The following TFAP2C variants were observed in gnomAD, a reference collection of about 807,000 sequenced individuals.
TFAP2C encodes transcription factor AP-2 gamma.
In TFAP2C, 9 loss-of-function variants were observed where a neutral mutation model predicts 42.9. The observed-to-expected ratio is 0.21, with a 90% CI of 0.13 to 0.37. TFAP2C has a LOEUF of 0.37. TFAP2C is among the 10% of genes least tolerant of loss of function. The probability of loss-of-function intolerance (pLI) is 1.00; values close to 1 mark genes in which losing one functional copy is unlikely to be tolerated. For missense variants in TFAP2C, 462 were observed against 591.7 expected (o/e 0.78, Z 2.27); for synonymous variants, 264 against 256.0 (o/e 1.03, Z -0.30).
chr20:56,630,689 G>C lies in TFAP2C; in HGVS notation c.49-516G>C. Reference sequence around the variant, plus strand: ...CCCGCTCGGAGGTCTTTGTCCCGAGGGCGTGGAAGGGAGGGTCCCGGGGGC... The same window carrying C: ...CCCGCTCGGAGGTCTTTGTCCCGAGCGCGTGGAAGGGAGGGTCCCGGGGGC... On this transcript the variant is annotated intron_variant, in intron 1 of 6. Transcript: ENST00000201031. This position sits in a 1 kb window ranked among gnomAD's most constrained non-coding sequence, Gnocchi z 5.1. The C allele has an allele frequency of 2.0e-6, 2 of 985,312 alleles. No homozygotes were observed. Among genetic ancestry groups the C allele is most frequent in the Non-Finnish European group, 2.4e-6 (2 of 829,848 alleles). 61.0% of individuals were successfully genotyped at this position (985,312 alleles called of 1,614,324 possible). A position where few individuals can be genotyped will look rare whatever the true frequency, so the allele number is the denominator to read the frequency against.
In TFAP2C at chr20:56,631,537, C is replaced by T. The variant is rs1423149789; in HGVS notation, c.381C>T (p.His127=). Residue 127 remains histidine, a synonymous_variant, in exon 2 of 7, where the codon CAC becomes CAT. Transcript: ENST00000201031. The surrounding 1 kb of genome is among the most constrained non-coding windows in gnomAD (Gnocchi z 6.1). ...GGCGCCCGGCCGGCCTACTGCCCCA[C>T]CTCTCCGGGCTGGAGGCGGGCGCGG... is the stretch of plus-strand genomic sequence containing the variant. The part of the protein sequence containing the change: ...HHGRPAGLLP[H]LSGLEAGAVS... 6 of 1,527,844 alleles carry T rather than the reference C, an allele frequency of 3.9e-6. No individual in the cohort carries two copies. In the Admixed American group the frequency reaches 1.0e-4, roughly 26 times the overall value. The allele number at this position is 1,527,844 out of a possible 1,614,324, so 94.6% of individuals were successfully genotyped here. A position where few individuals can be genotyped will look rare whatever the true frequency, so the allele number is the denominator to read the frequency against.
chr20:56,637,586 G>C, intron 6 of TFAP2C, 142 bp from the exon 7 acceptor site: 3 of 679,972 alleles, frequency 4.4e-6, no homozygotes, highest in Non-Finnish European at 7.4e-6. Flanking sequence ...GCAGCAGTTG[G>C]CTATTAGTAT....
At position 56,631,513 on chromosome 20, in the gene TFAP2C, G is replaced by A. The variant is rs751693781; in HGVS notation, c.357G>A (p.Gly119=). ...QEGAGLPSHH[G]RPAGLLPHLS... The stretch of plus-strand genomic sequence containing the variant: ...GAGCGGGGCTGCCCTCGCACCACGG[G>A]CGCCCGGCCGGCCTACTGCCCCACC... Residue 119 remains glycine (G), a synonymous_variant, in exon 2 of 7, where the codon GGG becomes GGA. Coordinates refer to ENST00000201031, the MANE Select transcript of TFAP2C (RefSeq NM_003222.4). This position sits in a 1 kb window ranked among gnomAD's most constrained non-coding sequence, Gnocchi z 6.1. 95 of 1,502,914 alleles carry A rather than the reference G, an allele frequency of 6.3e-5. No homozygotes were observed. Among genetic ancestry groups the A allele is most frequent in the Admixed American group, 2.3e-4 (10 of 43,970 alleles). 93.1% of individuals were successfully genotyped at this position (1,502,914 alleles called of 1,614,324 possible). A position where few individuals can be genotyped will look rare whatever the true frequency, so the allele number is the denominator to read the frequency against.
At chr20:56,634,359 A>C in intron 5 of TFAP2C, 91 bp downstream of exon 5, 1 of 919,950 alleles carries the variant, frequency 1.1e-6, no homozygotes, top group South Asian at 1.5e-5. Flanking sequence ...AACAACTCTT[A>C]AAACTTGGTT....
intron 6 of TFAP2C, among the ~76,000 whole-genome samples, chr20:56,637,142 G>C (rs150169883): frequency 1.3e-5 from 2 of 152,306 alleles, no homozygotes; most frequent in African/African-American, 4.8e-5. Context: ...CAAATGTAAA[G>C]ATCAGGGTGG....
In TFAP2C at chr20:56,638,257, C is replaced by A; in HGVS notation, c.*244C>A. 2 of 434,060 alleles carry A rather than the reference C, an allele frequency of 4.6e-6. No homozygotes were observed. The highest frequency in any genetic ancestry group is 3.5e-5 in the East Asian group (1 of 28,424). The allele number at this position is 434,060 out of a possible 1,614,324, so 26.9% of individuals were successfully genotyped here. ...AGGTGACAAGTACTGGCTCTTTATT[C>A]ATTAAGCTTTTTTTTTTTGAACCCC... On this transcript the variant is annotated 3_prime_UTR_variant, in exon 7 of 7. Coordinates refer to ENST00000201031, the MANE Select transcript of TFAP2C (RefSeq NM_003222.4).
chr20:56,638,121 A>G lies in TFAP2C; in HGVS notation c.*108A>G, dbSNP rs1183979477. 3.1e-6 allele frequency: 3 copies of G among 977,706 alleles called. No individual in the cohort carries two copies. In the African/African-American group the frequency reaches 4.9e-5, roughly 16 times the overall value. The allele number at this position is 977,706 out of a possible 1,614,324, so 60.6% of individuals were successfully genotyped here. On this transcript the variant is annotated 3_prime_UTR_variant, in exon 7 of 7. Coordinates refer to ENST00000201031, the MANE Select transcript of TFAP2C (RefSeq NM_003222.4). ...TCCTGGCCTGGGGGAAGAGTTTGTTACCTACCTTACTATTTAAAGAGCCTT... is the reference window on the plus strand; with the variant it reads ...TCCTGGCCTGGGGGAAGAGTTTGTTGCCTACCTTACTATTTAAAGAGCCTT...
chr20:56,633,594 T>A (rs773424492), intron 4 of TFAP2C, 25 bp downstream of exon 4: 1 of 1,592,106 alleles, frequency 6.3e-7, no homozygotes, highest in South Asian at 1.1e-5. Flanking sequence ...ATTCTAGGCA[T>A]AGTGGTTGGG....
In TFAP2C at chr20:56,631,114, G is replaced by T; in HGVS notation, c.49-91G>T. ...CCGGGCGGGGTGCGGTTGGTCCCCCGGGGCCCTCTGCGTAGCCCGGCGATG... is the reference window on the plus strand; with the variant it reads ...CCGGGCGGGGTGCGGTTGGTCCCCCTGGGCCCTCTGCGTAGCCCGGCGATG... On this transcript the variant is annotated intron_variant, in intron 1 of 6. Coordinates refer to ENST00000201031, the MANE Select transcript of TFAP2C (RefSeq NM_003222.4). This position sits in a 1 kb window ranked among gnomAD's most constrained non-coding sequence, Gnocchi z 6.1. 1.4e-6 allele frequency: 2 copies of T among 1,452,858 alleles called. No individual in the cohort carries two copies. 90.0% of individuals were successfully genotyped at this position (1,452,858 alleles called of 1,614,324 possible). A position where few individuals can be genotyped will look rare whatever the true frequency, so the allele number is the denominator to read the frequency against.
Position 56,637,688 on chromosome 20 carries a change from G to A in TFAP2C, c.1068-40G>A, listed in dbSNP as rs773813715. ...GTTCTGTGCTCTTGACCTGTAAGGAGCTAGATGGAACTCATCGAGTCAACT... is the reference window on the plus strand; with the variant it reads ...GTTCTGTGCTCTTGACCTGTAAGGAACTAGATGGAACTCATCGAGTCAACT... On this transcript the variant is annotated intron_variant, in intron 6 of 6. Transcript: ENST00000201031. The A allele has an allele frequency of 3.1e-6, 5 of 1,604,232 alleles. No individual in the cohort carries two copies. In the East Asian group the frequency reaches 1.1e-4, roughly 36 times the overall value.
In TFAP2C at chr20:56,631,206, A is replaced by G. The variant is rs751148699; in HGVS notation, c.50A>G (p.Asp17Gly). ...TCCTGTTTTTTTTTTTCCCTCCAGG[A>G]TCGCCACGACGGGAGCAGCAATGGG... Reference protein sequence around the residue: ...DNVKYEEDCEDRHDGSSNGNP... With the variant: ...DNVKYEEDCEGRHDGSSNGNP... The change falls in exon 2 of 7, where the codon GAT (aspartate) becomes GGT (glycine). Residue 17 changes from aspartate to glycine, a missense_variant and splice_region_variant. Coordinates refer to ENST00000201031, the MANE Select transcript of TFAP2C (RefSeq NM_003222.4). The surrounding 1 kb of genome is among the most constrained non-coding windows in gnomAD (Gnocchi z 6.1). 2.6e-6 allele frequency: 4 copies of G among 1,518,726 alleles called. No individual in the cohort carries two copies. Among genetic ancestry groups the G allele is most frequent in the South Asian group, 2.6e-5 (2 of 77,980 alleles). The allele number at this position is 1,518,726 out of a possible 1,614,324, so 94.1% of individuals were successfully genotyped here. A position where few individuals can be genotyped will look rare whatever the true frequency, so the allele number is the denominator to read the frequency against.
chr20:56,636,537 A>AT (rs1268427056), intron 5 of TFAP2C, 73 bp from the exon 6 acceptor site: 1 of 1,513,510 alleles, frequency 6.6e-7, no homozygotes, highest in African/African-American at 1.4e-5. Context: ...AAAAAAAAAA[A>AT]AAAGAGAGAG....
Position 56,637,816 on chromosome 20 carries a change from A to G in TFAP2C, c.1156A>G (p.Ile386Val), listed in dbSNP as rs1295345309. 1.2e-6 allele frequency: 2 copies of G among 1,613,396 alleles called. No homozygotes were observed. The highest frequency in any genetic ancestry group is 2.7e-5 in the African/African-American group (2 of 74,908). Residue 386 changes from isoleucine (I) to valine (V), a missense_variant, in exon 7 of 7, where the codon ATA (isoleucine) becomes GTA (valine). By Grantham distance (29) the Ile-to-Val change is conservative (BLOSUM62 3). Transcript: ENST00000201031. ...GCTCGCCCCAGTCTTGGAGACGAAC[A>G]TACAGAACTGCTTGTCTCATTTCAG... ...SRLAPVLETN[I>V]QNCLSHFSLI...
In TFAP2C at chr20:56,629,408, C is replaced by G; in HGVS notation, c.-137C>G. 1.5e-6 allele frequency: 1 copy of G among 680,672 alleles called. No homozygotes were observed. The highest frequency in any genetic ancestry group is 2.2e-6 in the Non-Finnish European group (1 of 455,252). 42.2% of individuals were successfully genotyped at this position (680,672 alleles called of 1,614,324 possible). On this transcript the variant is annotated 5_prime_UTR_variant, in exon 1 of 7. Transcript: ENST00000201031. This position sits in a 1 kb window ranked among gnomAD's most constrained non-coding sequence, Gnocchi z 5.9. ...AGAGCCGCCGATGCGTGTCCAGTGA[C>G]CCGGACAGCAAGGCCCGCGCGCGGC...
intron 4 of TFAP2C, among the ~76,000 whole-genome samples, chr20:56,633,930 T>C (rs1987540917): frequency 6.6e-6 from 1 of 152,214 alleles, no homozygotes; most frequent in Non-Finnish European, 1.5e-5. Context: ...TATTCGGTGA[T>C]GCAGAGTTGG....
intron 4 of TFAP2C, among the ~76,000 whole-genome samples, 179 bp from the exon 5 acceptor site, chr20:56,633,971 G>T (rs570976806): frequency 6.6e-6 from 1 of 152,092 alleles, no homozygotes; most frequent in Non-Finnish European, 1.5e-5. Context: ...TGTATCTTAC[G>T]GGGACTAATT....
intron 6 of TFAP2C, 47 bp from the exon 7 acceptor site, chr20:56,637,681 G>T (rs1255229540): frequency 3.8e-6 from 6 of 1,596,496 alleles, no homozygotes; most frequent in South Asian, 1.1e-5. Flanking sequence ...CTCTTGACCT[G>T]TAAGGAGCTA....
chr20:56,633,412 G>A lies in TFAP2C; in HGVS notation c.646G>A (p.Ala216Thr). ...NLPCQKELVGAVMNPTEVFCS... is the reference protein window; with the variant it reads ...NLPCQKELVGTVMNPTEVFCS... ...CCCCTGTCAGAAGGAGCTGGTGGGG[G>A]CCGTAATGAACCCCACTGAGGTCTT... Residue 216 changes from alanine to threonine, a missense_variant, in exon 4 of 7, where the codon GCC becomes ACC. Ala to Thr is a moderately conservative substitution (Grantham distance 58, BLOSUM62 0). Coordinates refer to ENST00000201031, the MANE Select transcript of TFAP2C (RefSeq NM_003222.4). The A allele has an allele frequency of 6.2e-7, 1 of 1,614,072 alleles. No homozygotes were observed. The highest frequency in any genetic ancestry group is 8.5e-7 in the Non-Finnish European group (1 of 1,180,010).
rs1987472341 is a variant in TFAP2C at position 56,630,741 on chromosome 20, C to A, written c.49-464C>A. The A allele has an allele frequency of 1.0e-6, 1 of 985,344 alleles. No individual in the cohort carries two copies. The highest frequency in any genetic ancestry group is 1.2e-6 in the Non-Finnish European group (1 of 829,880). The allele number at this position is 985,344 out of a possible 1,614,324, so 61.0% of individuals were successfully genotyped here. On this transcript the variant is annotated intron_variant, in intron 1 of 6. Transcript: ENST00000201031. This position sits in a 1 kb window ranked among gnomAD's most constrained non-coding sequence, Gnocchi z 5.1. ...GGGGAGGTGCGCATTTCCCGCGCCG[C>A]GCACTCTATCCGCGCCTGCCGCGCT...
Sources: gnomAD v4.1 joint callset for allele counts (sites outside exome capture counted in the v4.1 genomes callset) on GRCh38, gnomAD v4.1.1 for gene constraint, Gnocchi (gnomAD v3.1) non-coding constraint, MANE v1.5 for transcripts, NCBI Gene and HGNC (gene_info 2026-07-23, HGNC 2026-07-21) for gene names.